The following ENTPD5 variants were observed in gnomAD, a reference collection of about 807,000 sequenced individuals.
ENTPD5 encodes the protein nucleoside diphosphate phosphatase ENTPD5.
ENTPD5 carries 49 observed loss-of-function variants against 60.2 expected under a neutral mutation model. The observed-to-expected ratio is 0.81, with a 90% CI of 0.65 to 1.03. ENTPD5 has a LOEUF of 1.03. Ranked by LOEUF, ENTPD5 falls within the 50% of genes least tolerant of loss-of-function variation. ENTPD5 has a pLI of 0.00. For missense variants in ENTPD5, 480 were observed against 507.6 expected (o/e 0.95, Z 0.52); for synonymous variants, 187 against 185.4 (o/e 1.01, Z -0.07).
In ENTPD5 at chr14:73,965,513, A is replaced by G. The variant is rs960881359; in HGVS notation, c.*1415T>C. Reference sequence around the variant, plus strand: ...GGAAGCGGGTGGATCAATTGAGATCAGGAGTTGGAAACCAGCCTGGCCAAC... The same window carrying G: ...GGAAGCGGGTGGATCAATTGAGATCGGGAGTTGGAAACCAGCCTGGCCAAC... On this transcript the variant is annotated 3_prime_UTR_variant, in exon 16 of 16. Transcript: ENST00000334696. 2 of 152,338 alleles carry G rather than the reference A, an allele frequency of 1.3e-5. No homozygotes were observed. Among genetic ancestry groups the G allele is most frequent in the African/African-American group, 4.8e-5 (2 of 41,564 alleles). The allele number at this position is 152,338 out of a possible 1,614,324, so 9.4% of individuals were successfully genotyped here. A position where few individuals can be genotyped will look rare whatever the true frequency, so the allele number is the denominator to read the frequency against.
chr14:73,979,232 A>G (rs1278399432), intron 6 of ENTPD5, among the ~76,000 whole-genome samples: 1 of 151,684 alleles, frequency 6.6e-6, no homozygotes, highest in Non-Finnish European at 1.5e-5. Context: ...TGTCCTATTT[A>G]AAATAGCATT....
chr14:74,003,129 T>C (rs191960976), intron 3 of ENTPD5, among the ~76,000 whole-genome samples: 1 of 152,350 alleles, frequency 6.6e-6, no homozygotes, highest in East Asian at 1.9e-4. Flanking sequence ...CACCTCTACC[T>C]GCTTTCTCAA....
Position 73,966,985 on chromosome 14 carries a change from C to T in ENTPD5, c.1230G>A (p.Thr410=), listed in dbSNP as rs572487509. 2.5e-5 allele frequency: 40 copies of T among 1,614,150 alleles called. No homozygotes were observed. The South Asian group carries it at 3.3e-4, about 13-fold the overall frequency. ...GAAAGGTGGCCCCCAAGGCCCAGCC[C>T]GTCTCTATGTTGTTCACTTTCTTTG... ...QLTKKVNNIE[T]GWALGATFHL... The change falls in exon 16 of 16, where the codon ACG becomes ACA. Residue 410 remains threonine, a synonymous_variant. Coordinates refer to ENST00000334696, the MANE Select transcript of ENTPD5 (RefSeq NM_001249.5).
intron 6 of ENTPD5, 57 bp downstream of exon 6, chr14:73,982,961 A>G (rs12431489): frequency 0.39 from 600,979 of 1,556,304 alleles, 124,154 homozygotes; most frequent in Non-Finnish European, 0.43. Context: ...AAAAACTCAT[A>G]AAGTATTCAT....
intron 3 of ENTPD5, among the ~76,000 whole-genome samples, chr14:74,004,060 A>G (rs2058593562): frequency 6.6e-6 from 1 of 152,144 alleles, no homozygotes; most frequent in South Asian, 2.1e-4. Context: ...AGCTAGAATC[A>G]TGCCACTGCA....
intron 2 of ENTPD5, among the ~76,000 whole-genome samples, chr14:74,012,013 AC>A (rs1209567132): frequency 1.3e-5 from 2 of 152,226 alleles, no homozygotes; most frequent in Non-Finnish European, 2.9e-5. Context: ...TGAAGATTAC[AC>A]ATTCAAGACA....
chr14:74,011,456 G>T (rs1594960050), intron 2 of ENTPD5, among the ~76,000 whole-genome samples: 1 of 152,118 alleles, frequency 6.6e-6, no homozygotes, highest in African/African-American at 2.4e-5. Flanking sequence ...TGGTGTATAT[G>T]TGTGTGTAAA....
chr14:73,968,961 C>T (rs534579066), intron 15 of ENTPD5, among the ~76,000 whole-genome samples: 1 of 152,286 alleles, frequency 6.6e-6, no homozygotes, highest in East Asian at 1.9e-4. Flanking sequence ...ATTAAATATA[C>T]GAGGCACACA....
rs564143749 is a variant in ENTPD5, at chr14:73,968,346, T to A, written c.1201-1332A>T. ...CTTCGAAGGAAAAAGGGAGGCCAAA[T>A]GATAGAGGAGTTTCAGGCCCCCAAT... On this transcript the variant is annotated intron_variant, in intron 15 of 15. Transcript: ENST00000334696. Among the ~76,000 whole-genome samples the A allele has an allele frequency of 3.9e-4, 60 of 152,176 alleles. 1 individual carries two copies. In the East Asian group the frequency reaches 4.8e-3, roughly 12 times the overall value.
At chr14:73,962,573 T>A (rs888918943), downstream of ENTPD5, 2 of 175,012 alleles carry the variant, frequency 1.1e-5, no homozygotes, top group Non-Finnish European at 2.3e-5. Context: ...AAAAAAAAAA[T>A]GAATAGGGAT....
chr14:73,984,407 C>T (rs2057815845), intron 5 of ENTPD5, among the ~76,000 whole-genome samples: 1 of 152,214 alleles, frequency 6.6e-6, no homozygotes, highest in Non-Finnish European at 1.5e-5. Flanking sequence ...GTGGTTACCA[C>T]ACAAGCTGTG....
chr14:73,958,058 G>T, downstream of ENTPD5: 4 of 1,011,828 alleles, frequency 4.0e-6, no homozygotes, highest in Non-Finnish European at 1.6e-6. Flanking sequence ...TGCTGTCCTG[G>T]GACCTTGCTT....
downstream of ENTPD5, among the ~76,000 whole-genome samples, chr14:73,957,028 A>G (rs574376057): frequency 6.6e-6 from 1 of 152,194 alleles, no homozygotes; most frequent in African/African-American, 2.4e-5. Flanking sequence ...GAGTAGTTTA[A>G]GGGTGATTTT....
chr14:73,975,061 A>C (rs1324044873), intron 10 of ENTPD5, 76 bp from the exon 11 acceptor site: 1 of 1,117,648 alleles, frequency 8.9e-7, no homozygotes, highest in East Asian at 2.3e-5. Context: ...TTCAAAAGTA[A>C]CATTGTTCCT....
At chr14:74,008,305 T>C (rs1359249504) in intron 3 of ENTPD5, among the ~76,000 whole-genome samples, 1 of 152,188 alleles carries the variant, frequency 6.6e-6, no homozygotes, top group Admixed American at 6.5e-5. Context: ...GCTCCAAATC[T>C]GATCATGTTT....
At chr14:74,009,806 G>A (rs1368923341) in intron 3 of ENTPD5, among the ~76,000 whole-genome samples, 1 of 141,320 alleles carries the variant, frequency 7.1e-6, no homozygotes. Flanking sequence ...TTTTTTTTTT[G>A]AGACGGAGTC....
At chr14:74,012,359 C>T (rs1260751175) in intron 2 of ENTPD5, among the ~76,000 whole-genome samples, 1 of 152,078 alleles carries the variant, frequency 6.6e-6, no homozygotes, top group Non-Finnish European at 1.5e-5. Context: ...CACCAGACTT[C>T]GCCTCCTAAA....
intron 3 of ENTPD5, among the ~76,000 whole-genome samples, chr14:74,001,309 T>A (rs1400627088): frequency 6.6e-6 from 1 of 152,134 alleles, no homozygotes; most frequent in African/African-American, 2.4e-5. Flanking sequence ...GAGACCATCC[T>A]GGTTAACACG....
At chr14:73,960,293 A>G (rs948648878), downstream of ENTPD5, 33 of 985,850 alleles carry the variant, frequency 3.3e-5, no homozygotes, top group Non-Finnish European at 3.6e-5. Flanking sequence ...TCAAAATGAG[A>G]GAACTTTTGT....
Sources: gnomAD v4.1 joint callset for allele counts (sites outside exome capture counted in the v4.1 genomes callset) on GRCh38, gnomAD v4.1.1 for gene constraint, MANE v1.5 for transcripts, NCBI Gene and HGNC (gene_info 2026-07-23, HGNC 2026-07-21) for gene names.